NVL: variants seen among roughly 807,000 people sequenced by gnomAD.
NVL encodes nuclear VCP like.
A neutral mutation model predicts 110.2 loss-of-function variants in NVL; 84 were observed. That is an observed-to-expected ratio of 0.76 (90% CI 0.64 to 0.91). NVL has a LOEUF of 0.91. Ranked by LOEUF, NVL falls within the 40% of genes least tolerant of loss-of-function variation. NVL has a pLI of 0.00. For missense variants in NVL, 882 were observed against 1,035.9 expected, an observed-to-expected ratio of 0.85 and a Z score of 2.04; for synonymous variants, 354 against 361.1, an observed-to-expected ratio of 0.98 and a Z score of 0.22.
intron 6 of NVL, among the ~76,000 whole-genome samples, chr1:224,307,367 G>A (rs542592578): frequency 1.3e-3 from 196 of 152,292 alleles, no homozygotes; most frequent in African/African-American, 4.6e-3. Context: ...GCTGTCACAG[G>A]CCTTTGGATT....
intron 18 of NVL, among the ~76,000 whole-genome samples, chr1:224,264,053 A>G (rs1664244840): frequency 6.6e-6 from 1 of 152,118 alleles, no homozygotes; most frequent in Admixed American, 6.6e-5. Flanking sequence ...CAAAAAGATT[A>G]TAATTATTTG....
chr1:224,289,622 T>C lies in NVL; in HGVS notation c.1437A>G (p.Arg479=), dbSNP rs1451166403. 3 of 1,614,272 alleles carry C rather than the reference T, an allele frequency of 1.9e-6. No homozygotes were observed. In the Admixed American group the frequency reaches 5.0e-5, roughly 27 times the overall value. Residue 479 remains arginine, a synonymous_variant, in exon 13 of 23, where the codon CGA becomes CGG. Transcript: ENST00000281701. ...FVGADLMALC[R]EAAMCAVNRV... Reference sequence around the variant, plus strand: ...TATTGACTGCACACATTGCTGCCTCTCGGCACAGTGCCATGAGATCAGCAC... The same window carrying C: ...TATTGACTGCACACATTGCTGCCTCCCGGCACAGTGCCATGAGATCAGCAC...
intron 4 of NVL, chr1:224,313,081 C>T: frequency 2.5e-6 from 1 of 394,848 alleles, no homozygotes; most frequent in Non-Finnish European, 5.2e-6. Flanking sequence ...ATCGCTTGGG[C>T]CTGGGACGTC....
chr1:224,238,891 C>T (rs1660836246), intron 19 of NVL, among the ~76,000 whole-genome samples: 2 of 152,142 alleles, frequency 1.3e-5, no homozygotes, highest in South Asian at 4.1e-4. Flanking sequence ...GGCATTAAGT[C>T]CATCCACATT....
intron 16 of NVL, among the ~76,000 whole-genome samples, chr1:224,278,724 G>C (rs1333008411): frequency 2.6e-5 from 4 of 151,988 alleles, no homozygotes; most frequent in African/African-American, 9.7e-5. Context: ...TATAAAAATA[G>C]TTAGCAATAT....
At chr1:224,266,541 T>G (rs1342803958) in intron 18 of NVL, among the ~76,000 whole-genome samples, 2 of 152,202 alleles carry the variant, frequency 1.3e-5, no homozygotes, top group Admixed American at 6.6e-5. Context: ...AGCCTTGACC[T>G]TCCCAGCTTC....
rs1331348745 is a variant in NVL, at chr1:224,228,871, G to A, written c.2527-1201C>T. 2.1e-4 allele frequency among the ~76,000 whole-genome samples: 27 copies of A among 131,524 alleles called. 1 individual carries two copies. The highest frequency in any genetic ancestry group is 6.9e-4 in the East Asian group (3 of 4,374). The allele number at this position is 131,524 out of a possible 152,430, so 86.3% of individuals were successfully genotyped here. Reference sequence around the variant, plus strand: ...GGAGAATGGTGTGAACCTGGGAGGCGGAGCTTGCAGTGAGCCGAGATCGCG... The same window carrying A: ...GGAGAATGGTGTGAACCTGGGAGGCAGAGCTTGCAGTGAGCCGAGATCGCG... On this transcript the variant is annotated intron_variant, in intron 22 of 22. Transcript: ENST00000281701.
At chr1:224,250,156 GTC>G in intron 19 of NVL, 54 bp downstream of exon 19, 1 of 1,563,038 alleles carries the variant, frequency 6.4e-7, no homozygotes, top group Non-Finnish European at 8.7e-7. Context: ...TCTTATAACT[GTC>G]TCTATTTAAA....
intron 19 of NVL, among the ~76,000 whole-genome samples, chr1:224,245,655 A>G (rs1300603002): frequency 6.6e-6 from 1 of 152,054 alleles, no homozygotes; most frequent in Non-Finnish European, 1.5e-5. Context: ...CTAAACCACA[A>G]TCTACAAAAG....
chr1:224,233,325 A>G, intron 20 of NVL, 36 bp from the exon 21 acceptor site: 4 of 1,508,068 alleles, frequency 2.7e-6, no homozygotes, highest in Non-Finnish European at 3.6e-6. Flanking sequence ...TTATTCTTAG[A>G]TACTGCAAAA....
At chr1:224,320,370 A>G (rs1451510084) in intron 2 of NVL, among the ~76,000 whole-genome samples, 1 of 152,160 alleles carries the variant, frequency 6.6e-6, no homozygotes, top group Non-Finnish European at 1.5e-5. Context: ...AATCTGTGCC[A>G]GCGCAGTGGC....
At chr1:224,294,593 A>G (rs1172639545) in intron 11 of NVL, among the ~76,000 whole-genome samples, 182 bp from the exon 12 acceptor site, 3 of 152,230 alleles carry the variant, frequency 2.0e-5, no homozygotes, top group Non-Finnish European at 4.4e-5. Flanking sequence ...ATAAAATACA[A>G]ACTCTGTCCT....
chr1:224,243,475 C>A (rs547068457), intron 19 of NVL, among the ~76,000 whole-genome samples: 49 of 151,774 alleles, frequency 3.2e-4, no homozygotes, highest in African/African-American at 1.2e-3. Flanking sequence ...ACAACAACAA[C>A]AAAAAAGTTT....
intron 4 of NVL, chr1:224,313,001 A>T (rs1669684575): frequency 3.9e-6 from 1 of 256,996 alleles, no homozygotes; most frequent in Non-Finnish European, 8.4e-6. Context: ...CTACAAAAAA[A>T]TTAAAAAATT....
chr1:224,318,306 T>G (rs1670291906), intron 2 of NVL, among the ~76,000 whole-genome samples: 1 of 152,116 alleles, frequency 6.6e-6, no homozygotes, highest in East Asian at 1.9e-4. Context: ...CAAAACCATT[T>G]GAAAATAAGT....
intron 12 of NVL, among the ~76,000 whole-genome samples, chr1:224,290,551 C>T (rs1667268227): frequency 6.6e-6 from 1 of 151,946 alleles, no homozygotes; most frequent in Admixed American, 6.6e-5. Flanking sequence ...CCTTGTAATC[C>T]CAGCACTTTG....
In NVL at chr1:224,289,667, G is replaced by C; in HGVS notation, c.1392C>G (p.His464Gln). 1 of 1,614,250 alleles carries C rather than the reference G, an allele frequency of 6.2e-7. No homozygotes were observed. The highest frequency in any genetic ancestry group is 8.5e-7 in the Non-Finnish European group (1 of 1,180,032). ...PQAFDFCHLA[H>Q]LTPGFVGADL... Reference sequence around the variant, plus strand: ...CAGCACCAACAAAGCCTGGAGTTAGGTGTGCTAAGTGACAGAAATCAAAAG... The same window carrying C: ...CAGCACCAACAAAGCCTGGAGTTAGCTGTGCTAAGTGACAGAAATCAAAAG... Residue 464 changes from histidine (H) to glutamine (Q), a missense_variant, in exon 13 of 23, where the codon CAC becomes CAG. By Grantham distance (24) the His-to-Gln change is conservative. This residue lies in a region of NVL where 416 missense variants were observed against 499.3 expected (regional missense o/e 0.83). Coordinates refer to ENST00000281701, the MANE Select transcript of NVL (RefSeq NM_002533.4).
intron 9 of NVL, chr1:224,301,725 G>C (rs779771447): frequency 3.1e-6 from 1 of 323,102 alleles, no homozygotes; most frequent in South Asian, 2.2e-5. Flanking sequence ...ATTTGAGCCT[G>C]AGAAGTCAAA....
Position 224,305,090 on chromosome 1 carries a change from T to C in NVL, c.692A>G (p.Lys231Arg). 1 of 1,613,826 alleles carries C rather than the reference T, an allele frequency of 6.2e-7. No homozygotes were observed. Among genetic ancestry groups the C allele is most frequent in the Non-Finnish European group, 8.5e-7 (1 of 1,179,848 alleles). The change falls in exon 7 of 23, where the codon AAG becomes AGG. Residue 231 changes from lysine (K) to arginine (R), a missense_variant. By Grantham distance (26) the Lys-to-Arg change is conservative. Around this residue, in one of 4 missense-constraint regions of NVL, gnomAD observed 274 missense variants for 268.4 expected, o/e 1.02. Transcript: ENST00000281701. The part of the protein sequence containing the change: ...GKLKNKGSKR[K>R]KEDLQEVDGE... ...ATCTACTTCCTGAAGATCTTCTTTC[T>C]TCCTTTTGCTTCCTTTATTCTTTAG... is the stretch of plus-strand genomic sequence containing the variant.
Sources: gnomAD v4.1 joint callset for allele counts (sites outside exome capture counted in the v4.1 genomes callset) on GRCh38, gnomAD v4.1.1 for gene constraint, gnomAD v4.1.1 regional missense constraint, MANE v1.5 for transcripts, NCBI Gene and HGNC (gene_info 2026-07-23, HGNC 2026-07-21) for gene names.